Variants in COL5A2 observed in about 807,000 individuals in gnomAD.
The protein encoded by COL5A2 is collagen alpha-2(V) chain.
A neutral mutation model predicts 208.2 loss-of-function variants in COL5A2; 23 were observed. The ratio of observed to expected loss-of-function variants is 0.11; its 90% CI spans 0.08 to 0.16. The LOEUF is 0.16. Among genes scored for constraint, COL5A2 ranks in the 10% least tolerant of loss-of-function variants. COL5A2 has a pLI of 1.00. For missense variants in COL5A2, 1,590 were observed against 1,956.4 expected, an observed-to-expected ratio of 0.81 and a Z score of 3.53; for synonymous variants, 625 against 628.5, an observed-to-expected ratio of 0.99 and a Z score of 0.08.
In COL5A2 at chr2:189,045,381, A is replaced by C. The variant is rs536328463; in HGVS notation, c.3310-149T>G. ...GTGTGTGTGCATACTCTTATGATTAATTAATTGAAATCAGGCAAATGTCCA... is the reference window on the plus strand; with the variant it reads ...GTGTGTGTGCATACTCTTATGATTACTTAATTGAAATCAGGCAAATGTCCA... On this transcript the variant is annotated intron_variant, in intron 46 of 53. Transcript: ENST00000374866. The C allele has an allele frequency of 6.6e-5, 40 of 610,418 alleles. No individual in the cohort carries two copies. In the East Asian group the frequency reaches 9.8e-4, roughly 15 times the overall value. The allele number at this position is 610,418 out of a possible 1,614,324, so 37.8% of individuals were successfully genotyped here. A position where few individuals can be genotyped will look rare whatever the true frequency, so the allele number is the denominator to read the frequency against.
rs1260469713 is a variant in COL5A2 at position 189,065,041 on chromosome 2, C to T, written c.1580G>A (p.Arg527His). The change falls in exon 24 of 54, where the codon CGT (arginine) becomes CAT (histidine). Residue 527 changes from arginine (R) to histidine (H), a missense_variant. By Grantham distance (29) the Arg-to-His change is conservative (BLOSUM62 0). Coordinates refer to ENST00000374866, the MANE Select transcript of COL5A2 (RefSeq NM_000393.5). ...PVGERGAPGNRGFPGSDGLPG... is the reference protein window; with the variant it reads ...PVGERGAPGNHGFPGSDGLPG... ...TAAACCATCAGAGCCTGGAAAACCACGATTGCCAGGAGCACCCTACAAATG... is the reference window on the plus strand; with the variant it reads ...TAAACCATCAGAGCCTGGAAAACCATGATTGCCAGGAGCACCCTACAAATG... 9.9e-6 allele frequency: 16 copies of T among 1,613,756 alleles called. No individual in the cohort carries two copies. The highest frequency in any genetic ancestry group is 2.2e-5 in the South Asian group (2 of 91,030).
intron 21 of COL5A2, 116 bp downstream of exon 21, chr2:189,067,899 C>T: frequency 1.1e-6 from 1 of 873,198 alleles, no homozygotes; most frequent in Non-Finnish European, 1.9e-6. Flanking sequence ...TCCCATCTTC[C>T]CACATTTGGA....
At chr2:189,361,031 T>C in the COL5A2 span, among the ~76,000 whole-genome samples, 1 of 152,076 alleles carries the variant, frequency 6.6e-6, no homozygotes, top group South Asian at 2.1e-4. Context: ...GGTCTGTCTA[T>C]CCTAAAAGAT....
intron 37 of COL5A2, 77 bp from the exon 38 acceptor site, chr2:189,053,554 A>G (rs1685836639): frequency 8.0e-7 from 1 of 1,256,906 alleles, no homozygotes; most frequent in Non-Finnish European, 1.2e-6. Context: ...ATGATCATAT[A>G]AATCTGATAG....
At chr2:189,265,521 C>A in the COL5A2 span, among the ~76,000 whole-genome samples, 1 of 152,094 alleles carries the variant, frequency 6.6e-6, no homozygotes, top group Non-Finnish European at 1.5e-5. Context: ...TGGATTAGGG[C>A]CCATCCTAAT....
At chr2:189,227,412 A>C (rs114740548), upstream of COL5A2, among the ~76,000 whole-genome samples, 2,090 of 152,264 alleles carry the variant, frequency 0.014, 24 homozygotes, top group South Asian at 0.044. Flanking sequence ...GAAATTCACC[A>C]ATCAAAATAC....
chr2:189,279,181 T>A, the COL5A2 span, among the ~76,000 whole-genome samples: 1 of 151,732 alleles, frequency 6.6e-6, no homozygotes, highest in Non-Finnish European at 1.5e-5. Flanking sequence ...AAAGAAAGAA[T>A]AAGACGAACT....
At chr2:189,399,793 T>G in the COL5A2 span, among the ~76,000 whole-genome samples, 2 of 151,910 alleles carry the variant, frequency 1.3e-5, no homozygotes, top group Non-Finnish European at 2.9e-5. Context: ...TCAATCTCCC[T>G]GGCTCAAGAG....
the COL5A2 span, among the ~76,000 whole-genome samples, chr2:189,319,846 G>A: frequency 6.6e-6 from 1 of 152,216 alleles, no homozygotes; most frequent in African/African-American, 2.4e-5. Context: ...TTTGAGATCT[G>A]AGAATGGACA....
chr2:189,038,277 T>G (rs549795060), intron 51 of COL5A2, among the ~76,000 whole-genome samples: 1 of 152,196 alleles, frequency 6.6e-6, no homozygotes, highest in Non-Finnish European at 1.5e-5. Flanking sequence ...TGAGAACATA[T>G]GATATTTGGT....
At chr2:189,232,182 G>A in the COL5A2 span, among the ~76,000 whole-genome samples, 1 of 151,678 alleles carries the variant, frequency 6.6e-6, no homozygotes, top group Non-Finnish European at 1.5e-5. Context: ...CCATTTTCTG[G>A]GCACTTCGTA....
chr2:189,149,135 T>C (rs964627918), intron 1 of COL5A2, among the ~76,000 whole-genome samples: 2 of 152,138 alleles, frequency 1.3e-5, no homozygotes, highest in Admixed American at 6.5e-5. Flanking sequence ...ATAAGACTCA[T>C]TGTACTCCAA....
At chr2:189,380,623 A>AT in the COL5A2 span, among the ~76,000 whole-genome samples, 13 of 151,782 alleles carry the variant, frequency 8.6e-5, no homozygotes, top group African/African-American at 3.1e-4. Context: ...CTGTTCAATT[A>AT]TTTTTCTGTA....
At chr2:189,321,168 A>G in the COL5A2 span, among the ~76,000 whole-genome samples, 1 of 152,244 alleles carries the variant, frequency 6.6e-6, no homozygotes, top group South Asian at 2.1e-4. Flanking sequence ...TGAAGGAAGC[A>G]CTAAACATGG....
intron 1 of COL5A2, among the ~76,000 whole-genome samples, chr2:189,111,835 G>A (rs1320490745): frequency 2.0e-5 from 3 of 151,750 alleles, no homozygotes; most frequent in South Asian, 2.1e-4. Flanking sequence ...TAAGGACTAG[G>A]CGTCTTGTTC....
At chr2:189,133,731 G>T (rs1050118000) in intron 1 of COL5A2, among the ~76,000 whole-genome samples, 1 of 152,054 alleles carries the variant, frequency 6.6e-6, no homozygotes, top group African/African-American at 2.4e-5. Context: ...ACGACAGAGG[G>T]GAAGCTAGAA....
intron 30 of COL5A2, among the ~76,000 whole-genome samples, 162 bp downstream of exon 30, chr2:189,061,400 A>G (rs575319131): frequency 2.1e-4 from 32 of 152,190 alleles, no homozygotes; most frequent in African/African-American, 7.5e-4. Context: ...TACTTTGAAC[A>G]AAAATGTTCG....
chr2:189,072,150 G>T, intron 17 of COL5A2, 57 bp from the exon 18 acceptor site: 2 of 1,250,988 alleles, frequency 1.6e-6, no homozygotes, highest in Non-Finnish European at 2.3e-6. Context: ...ATCTAATTAG[G>T]TCATTTTTTA....
chr2:189,319,553 G>A, the COL5A2 span, among the ~76,000 whole-genome samples: 2 of 152,238 alleles, frequency 1.3e-5, no homozygotes, highest in African/African-American at 4.8e-5. Flanking sequence ...CACGCCCACG[G>A]AGCCTTGCTC....
Sources: gnomAD v4.1 joint callset for allele counts (sites outside exome capture counted in the v4.1 genomes callset) on GRCh38, gnomAD v4.1.1 for gene constraint, MANE v1.5 for transcripts, NCBI Gene and HGNC (gene_info 2026-07-23, HGNC 2026-07-21) for gene names.